IQCJ: variants seen among roughly 807,000 people sequenced by gnomAD.
IQCJ encodes IQ motif containing J.
A neutral mutation model predicts 11.0 loss-of-function variants in IQCJ; 9 were observed. That is an observed-to-expected ratio of 0.82 (90% CI 0.49 to 1.43). The LOEUF is 1.43. IQCJ is among the 40% of genes most tolerant of loss of function. The pLI is 0.00. For missense variants in IQCJ, 146 were observed against 133.2 expected (o/e 1.10, Z -0.47); for synonymous variants, 55 against 51.3 (o/e 1.07, Z -0.31).
intron 1 of IQCJ, among the ~76,000 whole-genome samples, chr3:159,137,739 A>G (rs960207625): frequency 1.3e-5 from 2 of 152,236 alleles, no homozygotes; most frequent in African/African-American, 4.8e-5. Flanking sequence ...AGCATCAGTA[A>G]CAAATGACTC....
At chr3:159,088,007 T>C (rs1413020234) in intron 1 of IQCJ, among the ~76,000 whole-genome samples, 1 of 151,922 alleles carries the variant, frequency 6.6e-6, no homozygotes, top group Non-Finnish European at 1.5e-5. Context: ...TTAATTGTGA[T>C]GTTAGGGTGT....
chr3:159,095,002 C>T lies in IQCJ; in HGVS notation c.9+25561C>T, dbSNP rs550419275. ...GTGTCTTCCCTGGGACAGGTTTCCC[C>T]ATTCCCACTTCCAAATCCAGCAACC... On this transcript the variant is annotated intron_variant, in intron 1 of 3. Transcript: ENST00000397832. 4.6e-5 allele frequency among the ~76,000 whole-genome samples: 7 copies of T among 152,008 alleles called. No homozygotes were observed. In the South Asian group the frequency reaches 1.5e-3, roughly 32 times the overall value.
At chr3:159,087,930 CT>C (rs1183509730) in intron 1 of IQCJ, among the ~76,000 whole-genome samples, 1 of 148,040 alleles carries the variant, frequency 6.8e-6, no homozygotes, top group Non-Finnish European at 1.5e-5. Context: ...CAGTTCTGCT[CT>C]GATTTTAGTT....
intron 1 of IQCJ, among the ~76,000 whole-genome samples, chr3:159,118,764 T>A (rs1384306865): frequency 6.6e-6 from 1 of 152,202 alleles, no homozygotes; most frequent in Non-Finnish European, 1.5e-5. Context: ...TCCTGGCATA[T>A]CTTGTTAGTA....
chr3:159,074,065 T>C (rs1037924665), intron 1 of IQCJ, among the ~76,000 whole-genome samples: 3 of 152,178 alleles, frequency 2.0e-5, no homozygotes, highest in Admixed American at 6.5e-5. Flanking sequence ...ATGGAAGATA[T>C]ACCTGCAAAA....
chr3:159,115,359 A>G (rs1037822586), intron 1 of IQCJ, among the ~76,000 whole-genome samples: 3 of 152,308 alleles, frequency 2.0e-5, no homozygotes, highest in Middle Eastern at 3.4e-3. Context: ...ATTTAGAGGC[A>G]AGTCCTACAA....
At chr3:159,213,815 C>A (rs901297704) in intron 1 of IQCJ, among the ~76,000 whole-genome samples, 2 of 152,154 alleles carry the variant, frequency 1.3e-5, no homozygotes, top group Admixed American at 6.5e-5. Context: ...TTCATGTCAT[C>A]ACAGTTTTCC....
chr3:159,157,381 C>T (rs1399880049), intron 1 of IQCJ, among the ~76,000 whole-genome samples: 2 of 152,126 alleles, frequency 1.3e-5, no homozygotes, highest in African/African-American at 2.4e-5. Context: ...CCTCTTCCCT[C>T]CATATCATTT....
intron 1 of IQCJ, among the ~76,000 whole-genome samples, chr3:159,175,412 A>T (rs572832335): frequency 2.0e-5 from 3 of 152,218 alleles, no homozygotes; most frequent in Non-Finnish European, 2.9e-5. Flanking sequence ...TCAAGGCTGC[A>T]GTGAGCTGTG....
chr3:159,183,341 G>A (rs771906687), intron 1 of IQCJ, among the ~76,000 whole-genome samples: 1 of 152,096 alleles, frequency 6.6e-6, no homozygotes. Context: ...TCATTATGAA[G>A]TCTTTTTTGA....
intron 1 of IQCJ, among the ~76,000 whole-genome samples, chr3:159,186,158 G>A (rs1319143839): frequency 6.6e-6 from 1 of 152,180 alleles, no homozygotes; most frequent in Non-Finnish European, 1.5e-5. Context: ...GGTTGACTTA[G>A]TGAGGGATGA....
intron 1 of IQCJ, among the ~76,000 whole-genome samples, chr3:159,196,918 T>G (rs1724018027): frequency 6.6e-6 from 1 of 152,148 alleles, no homozygotes; most frequent in Non-Finnish European, 1.5e-5. Context: ...TGCTTGAATT[T>G]TATGTGCCAA....
chr3:159,240,612 C>A (rs947135936), intron 1 of IQCJ, among the ~76,000 whole-genome samples: 3 of 152,194 alleles, frequency 2.0e-5, no homozygotes, highest in African/African-American at 7.2e-5. Flanking sequence ...TATATAGACA[C>A]TCTATAATAG....
intron 1 of IQCJ, among the ~76,000 whole-genome samples, chr3:159,212,197 C>A (rs1271856119): frequency 6.6e-6 from 1 of 152,042 alleles, no homozygotes; most frequent in East Asian, 1.9e-4. Context: ...CCTGCATTAG[C>A]TGAATAAATT....
intron 3 of IQCJ, among the ~76,000 whole-genome samples, chr3:159,256,214 A>C (rs1040780781): frequency 1.3e-5 from 2 of 152,226 alleles, no homozygotes; most frequent in Non-Finnish European, 2.9e-5. Context: ...TTGTGATGGA[A>C]CAACATAGAG....
intron 1 of IQCJ, among the ~76,000 whole-genome samples, chr3:159,215,022 G>C (rs566763342): frequency 6.6e-6 from 1 of 152,270 alleles, no homozygotes; most frequent in African/African-American, 2.4e-5. Context: ...CTAAGTTATT[G>C]ACTGGGACCC....
intron 1 of IQCJ, among the ~76,000 whole-genome samples, chr3:159,203,717 C>T (rs1210799245): frequency 6.6e-6 from 1 of 151,996 alleles, no homozygotes; most frequent in Non-Finnish European, 1.5e-5. Context: ...CAAGGCTAAG[C>T]CCTGCTTATG....
intron 1 of IQCJ, among the ~76,000 whole-genome samples, chr3:159,080,499 G>T (rs555396922): frequency 4.9e-4 from 75 of 152,152 alleles, no homozygotes; most frequent in Middle Eastern, 6.8e-3. Context: ...CACCAGCCCC[G>T]CTGTCAGAGT....
chr3:159,107,857 T>A (rs1000387671), intron 1 of IQCJ, among the ~76,000 whole-genome samples: 22 of 152,046 alleles, frequency 1.4e-4, no homozygotes, highest in Non-Finnish European at 8.8e-5. Context: ...GTTCACTGGA[T>A]GTCCTGGACA....
Sources: gnomAD v4.1 joint callset for allele counts (sites outside exome capture counted in the v4.1 genomes callset) on GRCh38, gnomAD v4.1.1 for gene constraint, MANE v1.5 for transcripts, NCBI Gene and HGNC (gene_info 2026-07-23, HGNC 2026-07-21) for gene names.